Variants in EPHA6 observed in about 807,000 individuals in gnomAD.
EPHA6 encodes the protein EPH receptor A6, also known as ephrin type-A receptor 6.
Under a neutral mutation model 112.0 loss-of-function variants are expected in EPHA6, and 50 were observed. The ratio of observed to expected loss-of-function variants is 0.45; its 90% CI spans 0.36 to 0.56. EPHA6 has a LOEUF of 0.56. Ranked by LOEUF, EPHA6 falls within the 20% of genes least tolerant of loss-of-function variation. EPHA6 has a pLI of 0.00. For missense variants in EPHA6, 1,280 were observed against 1,417.4 expected (o/e 0.90, Z 1.56); for synonymous variants, 529 against 490.7 (o/e 1.08, Z -1.03).
At position 97,187,675 on chromosome 3, in the gene EPHA6, GAGAAAGAAAGAAGGAA is replaced by G. The variant is rs1402889846; in HGVS notation, c.1115-38576_1115-38561del. Among the ~76,000 whole-genome samples the G allele has an allele frequency of 2.4e-3, 188 of 77,102 alleles. 1 individual carries two copies. The highest frequency in any genetic ancestry group is 0.011 in the South Asian group (32 of 2,894). 50.6% of individuals were successfully genotyped at this position (77,102 alleles called of 152,430 possible). ...GAAAGAAAGAAAGGAAAGAAAGAAAGAGAAAGAAAGAAGGAAAGAAAGAAAGAAAGAAAGAAAGAAA... is the reference window on the plus strand; with the variant it reads ...GAAAGAAAGAAAGGAAAGAAAGAAAGAGAAAGAAAGAAAGAAAGAAAGAAA... On this transcript the variant is annotated intron_variant, in intron 3 of 17. Transcript: ENST00000389672.
chr3:96,845,406 T>C (rs1388164990), intron 1 of EPHA6, among the ~76,000 whole-genome samples: 1 of 151,964 alleles, frequency 6.6e-6, no homozygotes, highest in African/African-American at 2.4e-5. Context: ...AGACTTACTA[T>C]CCTATCCAGC....
intron 5 of EPHA6, among the ~76,000 whole-genome samples, chr3:97,402,703 T>C (rs1577254499): frequency 6.6e-6 from 1 of 152,210 alleles, no homozygotes; most frequent in Non-Finnish European, 1.5e-5. Context: ...TGACAAACTT[T>C]TATTTCCTAG....
At chr3:96,904,091 G>A (rs1334031990) in intron 2 of EPHA6, among the ~76,000 whole-genome samples, 1 of 152,196 alleles carries the variant, frequency 6.6e-6, no homozygotes, top group East Asian at 1.9e-4. Context: ...ATTTGACCCA[G>A]CCATCCCGTT....
chr3:97,256,950 G>A (rs914315769), intron 5 of EPHA6, among the ~76,000 whole-genome samples: 2 of 151,940 alleles, frequency 1.3e-5, no homozygotes, highest in Admixed American at 6.6e-5. Flanking sequence ...GAAATTATTT[G>A]TGTTTCCTAT....
At chr3:97,155,358 T>C (rs1184381109) in intron 3 of EPHA6, among the ~76,000 whole-genome samples, 1 of 152,118 alleles carries the variant, frequency 6.6e-6, no homozygotes, top group Non-Finnish European at 1.5e-5. Flanking sequence ...CCCATCCTAA[T>C]CATTGAAAAA....
intron 11 of EPHA6, among the ~76,000 whole-genome samples, chr3:97,548,351 A>G (rs1370476270): frequency 6.6e-5 from 10 of 152,234 alleles, no homozygotes; most frequent in African/African-American, 2.4e-4. Context: ...GGATGTTAGC[A>G]TGGAGCACTT....
chr3:96,958,687 T>C (rs2041852074), intron 2 of EPHA6, among the ~76,000 whole-genome samples: 2 of 152,180 alleles, frequency 1.3e-5, no homozygotes, highest in South Asian at 4.1e-4. Flanking sequence ...TTTTTATAGA[T>C]TTACCTATAG....
At chr3:97,542,409 A>G (rs1446375354) in intron 11 of EPHA6, among the ~76,000 whole-genome samples, 1 of 152,052 alleles carries the variant, frequency 6.6e-6, no homozygotes, top group Non-Finnish European at 1.5e-5. Flanking sequence ...CCATGTCCCT[A>G]CAAAGGACAT....
At chr3:97,070,213 T>C (rs540377127) in intron 3 of EPHA6, among the ~76,000 whole-genome samples, 3 of 152,308 alleles carry the variant, frequency 2.0e-5, no homozygotes, top group South Asian at 4.1e-4. Context: ...GTTTTATTTG[T>C]TAGTTTATTA....
chr3:97,196,956 C>CA (rs2077457786), intron 3 of EPHA6, among the ~76,000 whole-genome samples: 1 of 152,028 alleles, frequency 6.6e-6, no homozygotes, highest in African/African-American at 2.4e-5. Flanking sequence ...TGGGTCTCAC[C>CA]AAGGCCTGCA....
chr3:97,730,178 TTAATA>T (rs1226422947), intron 15 of EPHA6, among the ~76,000 whole-genome samples: 2 of 152,108 alleles, frequency 1.3e-5, no homozygotes, highest in African/African-American at 4.8e-5. Flanking sequence ...CTTGTTTTCC[TTAATA>T]TAAGATGTGC....
intron 5 of EPHA6, among the ~76,000 whole-genome samples, chr3:97,313,062 C>T (rs367881360): frequency 2.6e-5 from 4 of 151,474 alleles, no homozygotes; most frequent in African/African-American, 7.2e-5. Flanking sequence ...CTCTTACTTC[C>T]CTGTCCTTCC....
chr3:97,628,690 A>C (rs1227092588), intron 13 of EPHA6, among the ~76,000 whole-genome samples: 1 of 152,046 alleles, frequency 6.6e-6, no homozygotes, highest in Middle Eastern at 3.2e-3. Context: ...ATTAATTTAA[A>C]AATTAAAGAG....
At position 97,757,519 on chromosome 3, in the gene EPHA6, G is replaced by T. The variant is rs2036054711; in HGVS notation, c.*8818G>T. ...ATAATAATACATTGAATATTGGACT[G>T]CCATAGCACTTTAAACATATTAATA... On this transcript the variant is annotated 3_prime_UTR_variant, in exon 18 of 18. Coordinates refer to ENST00000389672, the MANE Select transcript of EPHA6 (RefSeq NM_001080448.3). 6.6e-6 allele frequency among the ~76,000 whole-genome samples: 1 copy of T among 151,486 alleles called. No homozygotes were observed. Among genetic ancestry groups the T allele is most frequent in the South Asian group, 2.1e-4 (1 of 4,820 alleles).
intron 5 of EPHA6, among the ~76,000 whole-genome samples, chr3:97,330,198 C>A (rs905482959): frequency 2.6e-5 from 4 of 152,028 alleles, no homozygotes; most frequent in Non-Finnish European, 5.9e-5. Context: ...GGTACCAGTA[C>A]CATGCTGTTT....
intron 3 of EPHA6, among the ~76,000 whole-genome samples, chr3:97,003,786 T>TC (rs2043766978): frequency 3.7e-5 from 4 of 107,608 alleles, no homozygotes; most frequent in African/African-American, 7.2e-5. Context: ...TTCCTTCCCC[T>TC]CACCCCCCCA....
intron 5 of EPHA6, among the ~76,000 whole-genome samples, chr3:97,278,261 A>G (rs1461593066): frequency 6.6e-6 from 1 of 152,202 alleles, no homozygotes; most frequent in African/African-American, 2.4e-5. Flanking sequence ...AGTAAATATT[A>G]TAAGTCTATT....
At chr3:96,998,320 A>T (rs541422051) in intron 3 of EPHA6, among the ~76,000 whole-genome samples, 21 of 152,082 alleles carry the variant, frequency 1.4e-4, no homozygotes, top group Non-Finnish European at 3.1e-4. Context: ...ATGTATATAT[A>T]TGCAATAGTT....
At chr3:97,493,424 G>A (rs1012667464) in intron 10 of EPHA6, among the ~76,000 whole-genome samples, 1 of 152,166 alleles carries the variant, frequency 6.6e-6, no homozygotes, top group African/African-American at 2.4e-5. Flanking sequence ...GGATCGCAGA[G>A]ATCCACCTCC....
Sources: allele counts gnomAD v4.1 joint callset (sites outside exome capture counted in the v4.1 genomes callset), GRCh38; gene constraint gnomAD v4.1.1; transcripts MANE v1.5; gene names NCBI Gene and HGNC (gene_info 2026-07-23, HGNC 2026-07-21).